NTM: variants seen among roughly 807,000 people sequenced by gnomAD.
The protein encoded by NTM is IgLON family member 2.
In NTM, 13 loss-of-function variants were observed where a neutral mutation model predicts 42.1. That is an observed-to-expected ratio of 0.31 (90% confidence interval 0.20 to 0.49). The LOEUF (loss-of-function observed/expected upper bound fraction) is 0.49. Among genes scored for constraint, NTM ranks in the 20% least tolerant of loss-of-function variants. The probability of loss-of-function intolerance (pLI) is 0.99; values close to 1 mark genes in which losing one functional copy is unlikely to be tolerated. For synonymous variants in NTM, 187 were observed against 179.2 expected (o/e 1.04, Z -0.35); for missense variants, 373 against 452.8 (o/e 0.82, Z 1.60).
rs867979543 is a variant in NTM, at chr11:131,983,858, C to T, written c.167+72210C>T. On this transcript the variant is annotated intron_variant, in intron 2 of 8. Transcript: ENST00000683400. The stretch of plus-strand genomic sequence containing the variant: ...AGGCTCTGCCATCTTGAACACATGA[C>T]GTCCAAAGTTCCCTGAGCATTAGCT... Among the ~76,000 whole-genome samples the T allele has an allele frequency of 1.1e-4, 16 of 152,312 alleles. No individual in the cohort carries two copies. The South Asian group carries it at 1.2e-3, about 12-fold the overall frequency.
intron 4 of NTM, among the ~76,000 whole-genome samples, chr11:132,232,707 C>T (rs184382998): frequency 9.9e-5 from 15 of 152,258 alleles, no homozygotes; most frequent in South Asian, 6.2e-4. Flanking sequence ...GAACACATTA[C>T]GCACATTATC....
intron 2 of NTM, among the ~76,000 whole-genome samples, chr11:131,939,991 T>C (rs941009284): frequency 4.6e-5 from 7 of 152,198 alleles, no homozygotes; most frequent in Non-Finnish European, 1.5e-5. Flanking sequence ...AGTTGTGTGT[T>C]CTCTCTTGTC....
rs529871520 is a variant in NTM at position 131,712,351 on chromosome 11, T to C, written c.83-199213T>C. Reference sequence around the variant, plus strand: ...AAACAGTTGTTAAGAGGAGGAGTGCTGCTGTTAGCTGTAAGAACTACCTTC... The same window carrying C: ...AAACAGTTGTTAAGAGGAGGAGTGCCGCTGTTAGCTGTAAGAACTACCTTC... On this transcript the variant is annotated intron_variant, in intron 1 of 8. Coordinates refer to ENST00000683400, the MANE Select transcript of NTM (RefSeq NM_001352005.2). Among the ~76,000 whole-genome samples the C allele has an allele frequency of 7.2e-5, 11 of 152,188 alleles. No homozygotes were observed. The South Asian group carries it at 1.0e-3, about 14-fold the overall frequency.
At chr11:131,851,532 C>CGTGT (rs71067340) in intron 1 of NTM, among the ~76,000 whole-genome samples, 7,740 of 146,606 alleles carry the variant, frequency 0.053, 246 homozygotes, top group East Asian at 0.096. Flanking sequence ...GTGAGAATGG[C>CGTGT]GTGTGTGTGT....
intron 1 of NTM, among the ~76,000 whole-genome samples, chr11:131,889,688 TAGAG>T (rs1331919961): frequency 2.6e-5 from 4 of 151,814 alleles, no homozygotes; most frequent in African/African-American, 9.7e-5. Flanking sequence ...CACTTACAAA[TAGAG>T]AGAAAGGAGA....
chr11:131,484,982 T>G (rs1954004070), intron 1 of NTM, among the ~76,000 whole-genome samples: 2 of 152,088 alleles, frequency 1.3e-5, no homozygotes, highest in Admixed American at 1.3e-4. Context: ...ACTTGAAAAA[T>G]GGAGTGGGAG....
At chr11:132,006,603 C>A (rs951492898) in intron 2 of NTM, among the ~76,000 whole-genome samples, 3 of 152,240 alleles carry the variant, frequency 2.0e-5, no homozygotes, top group African/African-American at 7.2e-5. Flanking sequence ...GTCCACAAAG[C>A]AGTGTGTGCC....
intron 1 of NTM, chr11:131,581,959 G>T (rs186298612): frequency 2.6e-5 from 4 of 152,212 alleles, no homozygotes; most frequent in Admixed American, 6.5e-5. Context: ...CCCAGAGAGG[G>T]TGCCCTGCTC....
At chr11:131,410,946 C>T (rs1946334031) in intron 1 of NTM, among the ~76,000 whole-genome samples, 1 of 152,170 alleles carries the variant, frequency 6.6e-6, no homozygotes, top group Non-Finnish European at 1.5e-5. Context: ...GCTAAAACTC[C>T]AAACACTACA....
chr11:131,748,409 A>G (rs368971375), intron 1 of NTM, among the ~76,000 whole-genome samples: 16 of 152,366 alleles, frequency 1.1e-4, no homozygotes, highest in Admixed American at 6.5e-4. Context: ...TTGGAAAGAC[A>G]TTAGGAGCTT....
rs570346984 is a variant in NTM, at chr11:131,850,755, C to T, written c.83-60809C>T. Among the ~76,000 whole-genome samples the T allele has an allele frequency of 3.9e-5, 6 of 152,142 alleles. No homozygotes were observed. The South Asian group carries it at 6.2e-4, about 16-fold the overall frequency. On this transcript the variant is annotated intron_variant, in intron 1 of 8. Coordinates refer to ENST00000683400, the MANE Select transcript of NTM (RefSeq NM_001352005.2). ...CCATCGGATTTGGCTGCGATTGTCT[C>T]GTCGATAAATGTCCTGGCAGGAAAT...
rs2051664686 is a variant in NTM at position 131,893,229 on chromosome 11, C to A, written c.83-18335C>A. 2.0e-5 allele frequency among the ~76,000 whole-genome samples: 3 copies of A among 152,160 alleles called. No homozygotes were observed. In the South Asian group the frequency reaches 6.2e-4, roughly 31 times the overall value. On this transcript the variant is annotated intron_variant, in intron 1 of 8. Coordinates refer to ENST00000683400, the MANE Select transcript of NTM (RefSeq NM_001352005.2). Reference sequence around the variant, plus strand: ...AGGTGAAGTCCCTTTGAAATTGCAGCATTGCTGGCCTAAAATATATTTGAA... The same window carrying A: ...AGGTGAAGTCCCTTTGAAATTGCAGAATTGCTGGCCTAAAATATATTTGAA...
chr11:132,250,525 A>C (rs2091817276), intron 4 of NTM, among the ~76,000 whole-genome samples: 1 of 146,732 alleles, frequency 6.8e-6, no homozygotes, highest in Non-Finnish European at 1.5e-5. Context: ...TGTAGACAAG[A>C]CCCCTCCCTC....
At chr11:132,310,084 G>A in intron 5 of NTM, 28 bp from the exon 6 acceptor site, 2 of 1,552,818 alleles carry the variant, frequency 1.3e-6, no homozygotes, top group Non-Finnish European at 1.7e-6. Flanking sequence ...AGGTGGGGGG[G>A]CGGCTATGAG....
chr11:131,598,709 T>TTCTC (rs1395673297), intron 1 of NTM, among the ~76,000 whole-genome samples: 1 of 81,842 alleles, frequency 1.2e-5, no homozygotes, highest in Non-Finnish European at 2.7e-5. Context: ...CTTTCTTTCT[T>TTCTC]TCTTTCTTTC....
intron 1 of NTM, among the ~76,000 whole-genome samples, chr11:131,780,620 T>C (rs1221056999): frequency 6.6e-6 from 1 of 152,200 alleles, no homozygotes; most frequent in Non-Finnish European, 1.5e-5. Flanking sequence ...AATGTTGTTT[T>C]CTAATATGCT....
chr11:131,504,788 G>A (rs1327186256), intron 1 of NTM, among the ~76,000 whole-genome samples: 1 of 152,006 alleles, frequency 6.6e-6, no homozygotes, highest in African/African-American at 2.4e-5. Flanking sequence ...CCCGCACTGT[G>A]CATCCATCAG....
chr11:131,529,118 C>A (rs950871789), intron 1 of NTM, among the ~76,000 whole-genome samples: 2 of 152,180 alleles, frequency 1.3e-5, no homozygotes, highest in African/African-American at 4.8e-5. Context: ...AGCTGTCATG[C>A]AGTTTCTGCT....
At chr11:131,530,534 C>T (rs2051114633) in intron 1 of NTM, among the ~76,000 whole-genome samples, 2 of 151,834 alleles carry the variant, frequency 1.3e-5, no homozygotes, top group Non-Finnish European at 2.9e-5. Context: ...ACTTTCCCCA[C>T]TATAGGGAGG....
Sources: gnomAD v4.1 joint callset for allele counts (sites outside exome capture counted in the v4.1 genomes callset) on GRCh38, gnomAD v4.1.1 for gene constraint, MANE v1.5 for transcripts, NCBI Gene and HGNC (gene_info 2026-07-23, HGNC 2026-07-21) for gene names.